Variants in SEMA4D observed in about 807,000 individuals in gnomAD.
SEMA4D encodes semaphorin 4D, also known as semaphorin-4D.
SEMA4D carries 22 observed loss-of-function variants against 74.8 expected under a neutral mutation model. The observed-to-expected ratio is 0.29, with a 90% confidence interval of 0.21 to 0.42. SEMA4D has a LOEUF of 0.42. SEMA4D is among the 10% of genes least tolerant of loss of function. The probability of loss-of-function intolerance (pLI) is 1.00; values close to 1 mark genes in which losing one functional copy is unlikely to be tolerated. For synonymous variants in SEMA4D, 445 were observed against 463.7 expected, an observed-to-expected ratio of 0.96 and a Z score of 0.52; for missense variants, 937 against 1,118.4, an observed-to-expected ratio of 0.84 and a Z score of 2.31.
At chr9:89,423,863 C>T (rs1463906613) in intron 2 of SEMA4D, among the ~76,000 whole-genome samples, 21 of 147,072 alleles carry the variant, frequency 1.4e-4, no homozygotes, top group African/African-American at 5.3e-4. Context: ...ACTCCCTCAG[C>T]ACCTCCCCTC....
exon 18 of SEMA4D, chr9:89,363,511 C>T: frequency 6.2e-7 from 1 of 1,614,120 alleles, no homozygotes; most frequent in South Asian, 1.1e-5. Flanking sequence ...TGGTCCACCT[C>T]TCCTGGTGGG....
At chr9:89,440,696 A>C (rs1051335351) in intron 2 of SEMA4D, among the ~76,000 whole-genome samples, 1 of 152,216 alleles carries the variant, frequency 6.6e-6, no homozygotes, top group African/African-American at 2.4e-5. Context: ...TACGTGCCAC[A>C]TGCCGTGCTA....
chr9:89,375,552 CAG>C (rs2132557514), downstream of SEMA4D, among the ~76,000 whole-genome samples: 1 of 152,336 alleles, frequency 6.6e-6, no homozygotes, highest in African/African-American at 2.4e-5. Flanking sequence ...GAGCTACTGA[CAG>C]TGTGTTTAAC....
chr9:89,365,072 C>CAG (rs1292473257), intron 16 of SEMA4D: 1 of 152,304 alleles, frequency 6.6e-6, no homozygotes, highest in African/African-American at 2.4e-5. Flanking sequence ...ACTCCCTGTT[C>CAG]TTACTGAAGG....
intron 2 of SEMA4D, chr9:89,450,529 T>C: frequency 8.5e-7 from 1 of 1,180,136 alleles, no homozygotes; most frequent in Non-Finnish European, 1.3e-6. Context: ...TTTACAGTTC[T>C]GCTCCTGCCC....
chr9:89,452,919 GC>G (rs1417240268), intron 2 of SEMA4D, among the ~76,000 whole-genome samples: 1 of 152,184 alleles, frequency 6.6e-6, no homozygotes, highest in Non-Finnish European at 1.5e-5. Flanking sequence ...GACCCTGAGT[GC>G]CCATCAGGGA....
At chr9:89,363,264 AT>A (rs375197670) in intron 18 of SEMA4D, among the ~76,000 whole-genome samples, 341 of 143,784 alleles carry the variant, frequency 2.4e-3, no homozygotes, top group African/African-American at 7.7e-3. Flanking sequence ...AAGACGTGGG[AT>A]TTCCCCCCCC....
intron 1 of SEMA4D, among the ~76,000 whole-genome samples, chr9:89,496,073 C>T (rs769536509): frequency 5.9e-5 from 9 of 152,158 alleles, no homozygotes; most frequent in Non-Finnish European, 1.2e-4. Context: ...GAGGACTGTC[C>T]ACAAGTGGAT....
intron 2 of SEMA4D, among the ~76,000 whole-genome samples, chr9:89,423,460 G>T (rs902377798): frequency 1.3e-5 from 2 of 152,122 alleles, no homozygotes; most frequent in African/African-American, 2.4e-5. Context: ...AAAGTGCTGG[G>T]ATTATAGGCA....
intron 3 of SEMA4D, among the ~76,000 whole-genome samples, chr9:89,405,100 T>C (rs375298347): frequency 0.11 from 2,795 of 25,058 alleles, no homozygotes; most frequent in African/African-American, 0.13. Flanking sequence ...GCCTCAGCAT[T>C]CCAGGAAGTG....
intron 2 of SEMA4D, among the ~76,000 whole-genome samples, chr9:89,415,995 CTTTA>C (rs1331137796): frequency 2.0e-5 from 3 of 152,180 alleles, no homozygotes; most frequent in African/African-American, 4.8e-5. Context: ...TTTAAGTGGA[CTTTA>C]TTTGTATTCT....
intron 12 of SEMA4D, chr9:89,387,108 G>A (rs1192169139): frequency 1.1e-5 from 4 of 374,310 alleles, no homozygotes; most frequent in African/African-American, 8.3e-5. Flanking sequence ...CAACTCCTCG[G>A]CGGCCAGTAC....
rs376036151 is a variant in SEMA4D, at chr9:89,381,385, G to A, written c.1447-39C>T. 1.4e-6 allele frequency: 2 copies of A among 1,447,748 alleles called. No individual in the cohort carries two copies. Among genetic ancestry groups the A allele is most frequent in the African/African-American group, 2.9e-5 (2 of 69,700 alleles). 89.7% of individuals were successfully genotyped at this position (1,447,748 alleles called of 1,614,324 possible). ...ACAGAGAAGAACTAGCATCAGGCAAGCAGGCATCCAGGAGCATGGCCTCTG... is the reference window on the plus strand; with the variant it reads ...ACAGAGAAGAACTAGCATCAGGCAAACAGGCATCCAGGAGCATGGCCTCTG... On this transcript the variant is annotated intron_variant, in intron 13 of 15. Transcript: ENST00000422704. The surrounding 1 kb of genome is among the most constrained non-coding windows in gnomAD (Gnocchi z 4.6).
intron 13 of SEMA4D, chr9:89,385,028 C>G: frequency 1.0e-6 from 1 of 985,392 alleles, no homozygotes; most frequent in Non-Finnish European, 1.2e-6. Context: ...GTAGGACCAG[C>G]AAGCGCTTCC....
chr9:89,493,764 G>A (rs1825802721), intron 1 of SEMA4D, among the ~76,000 whole-genome samples: 2 of 152,160 alleles, frequency 1.3e-5, no homozygotes, highest in Non-Finnish European at 2.9e-5. Context: ...TATAGCTTTA[G>A]GTTACTTAAC....
chr9:89,429,340 C>A (rs917067192), intron 2 of SEMA4D, among the ~76,000 whole-genome samples: 4 of 152,220 alleles, frequency 2.6e-5, no homozygotes, highest in African/African-American at 9.7e-5. Flanking sequence ...GGGTGAGCGC[C>A]TTCTTGGGGC....
intron 16 of SEMA4D, among the ~76,000 whole-genome samples, chr9:89,370,262 GTGT>G (rs1388754445): frequency 5.9e-5 from 9 of 151,886 alleles, no homozygotes; most frequent in Admixed American, 2.0e-4. Flanking sequence ...CATGGTGTGT[GTGT>G]TGTGTGGTGG....
rs527869759 is a variant in SEMA4D at position 89,421,063 on chromosome 9, G to A, written c.-243-15364C>T. ...CTAACAACCCCTACTGCCAGGGACT[G>A]TGGGCTCCACCAGCCTCCTCCTGCA... is the stretch of plus-strand genomic sequence containing the variant. On this transcript the variant is annotated intron_variant, in intron 2 of 15. Coordinates refer to ENST00000422704, the MANE Select transcript of SEMA4D (RefSeq NM_001371194.2). Among the ~76,000 whole-genome samples the A allele has an allele frequency of 4.6e-5, 7 of 152,366 alleles. No homozygotes were observed. The South Asian group carries it at 1.5e-3, about 32-fold the overall frequency.
chr9:89,400,513 G>T lies in SEMA4D; in HGVS notation c.253-1175C>A, dbSNP rs537245049. Among the ~76,000 whole-genome samples the T allele has an allele frequency of 1.8e-3, 281 of 152,276 alleles. 2 individuals carry two copies. Among genetic ancestry groups the T allele is most frequent in the Admixed American group, 3.5e-3 (54 of 15,304 alleles). On this transcript the variant is annotated intron_variant, in intron 4 of 15. Coordinates refer to ENST00000422704, the MANE Select transcript of SEMA4D (RefSeq NM_001371194.2). ...TATGAGGAGAGGAACCCCACTTTAGGTTTCTAACTAACTCTGTGAGTTCCT... is the reference window on the plus strand; with the variant it reads ...TATGAGGAGAGGAACCCCACTTTAGTTTTCTAACTAACTCTGTGAGTTCCT...
Sources: allele counts gnomAD v4.1 joint callset (sites outside exome capture counted in the v4.1 genomes callset), GRCh38; gene constraint gnomAD v4.1.1; non-coding constraint Gnocchi (gnomAD v3.1); transcripts MANE v1.5; gene names NCBI Gene and HGNC (gene_info 2026-07-23, HGNC 2026-07-21).